Variants in CDH12 observed in about 807,000 individuals in gnomAD.
CDH12 encodes the protein cadherin 12.
A neutral mutation model predicts 74.1 loss-of-function variants in CDH12; 41 were observed. That is an observed-to-expected ratio of 0.55 (90% CI 0.43 to 0.72). CDH12 has a LOEUF of 0.72. CDH12 is among the 30% of genes least tolerant of loss of function. CDH12 has a pLI of 0.00. For synonymous variants in CDH12, 399 were observed against 355.0 expected (o/e 1.12, Z -1.39); for missense variants, 945 against 977.2 (o/e 0.97, Z 0.44).
At chr5:21,936,684 T>A (rs1178008456) in intron 6 of CDH12, among the ~76,000 whole-genome samples, 1 of 152,182 alleles carries the variant, frequency 6.6e-6, no homozygotes, top group Non-Finnish European at 1.5e-5. Flanking sequence ...TTTGGCTCTG[T>A]GACCCCACCC....
intron 3 of CDH12, among the ~76,000 whole-genome samples, chr5:22,348,363 T>C (rs1183958753): frequency 1.3e-5 from 2 of 152,214 alleles, no homozygotes; most frequent in African/African-American, 4.8e-5. Flanking sequence ...TCCATTTATT[T>C]TGAATGTCGG....
At chr5:22,125,433 C>T (rs955015674) in intron 4 of CDH12, among the ~76,000 whole-genome samples, 5 of 152,140 alleles carry the variant, frequency 3.3e-5, no homozygotes, top group African/African-American at 1.2e-4. Flanking sequence ...CTGCAAAAGA[C>T]ATTAATTCTT....
chr5:22,702,773 C>G (rs1268098907), intron 1 of CDH12, among the ~76,000 whole-genome samples: 1 of 152,060 alleles, frequency 6.6e-6, no homozygotes, highest in Non-Finnish European at 1.5e-5. Flanking sequence ...TACTGGGATA[C>G]TTTGAACAGT....
chr5:22,370,881 C>G (rs773688413), intron 3 of CDH12, among the ~76,000 whole-genome samples: 10 of 152,090 alleles, frequency 6.6e-5, no homozygotes, highest in Non-Finnish European at 1.3e-4. Flanking sequence ...AAATTCTAGG[C>G]GTAGATGCAA....
In CDH12 at chr5:21,760,647, C is replaced by T. The variant is rs765231841; in HGVS notation, c.1544G>A (p.Arg515Gln). The T allele has an allele frequency of 6.2e-6, 10 of 1,608,536 alleles. No homozygotes were observed. Among genetic ancestry groups the T allele is most frequent in the Admixed American group, 3.3e-5 (2 of 59,790 alleles). Residue 515 changes from arginine (R) to glutamine (Q), a missense_variant, in exon 13 of 15, where the codon CGA (arginine) becomes CAA (glutamine). Arg to Gln is a conservative substitution (Grantham distance 43). This residue lies in a region of CDH12 where 791 missense variants were observed against 792.8 expected (regional missense o/e 1.00). Coordinates refer to ENST00000382254, the MANE Select transcript of CDH12 (RefSeq NM_004061.5). ...TTGTTGCCCAGCAGGTGAAAGATCT[C>T]GGTCTGCAGCACTGACTATCTGAAT... ...QIIQIVSAADRDLSPAGQQFS... is the reference protein window; with the variant it reads ...QIIQIVSAADQDLSPAGQQFS...
intron 2 of CDH12, among the ~76,000 whole-genome samples, chr5:22,494,327 G>A (rs916130060): frequency 3.9e-5 from 6 of 152,212 alleles, no homozygotes; most frequent in African/African-American, 1.4e-4. Flanking sequence ...GTGAGTGGGT[G>A]TGGATGTGGG....
chr5:22,098,519 C>T (rs1036749713), intron 4 of CDH12, among the ~76,000 whole-genome samples: 4 of 152,162 alleles, frequency 2.6e-5, no homozygotes, highest in African/African-American at 9.7e-5. Flanking sequence ...CTTTTAGAGG[C>T]CCTAAAAATC....
At chr5:22,460,895 AT>A (rs1745483516) in intron 2 of CDH12, among the ~76,000 whole-genome samples, 1 of 149,840 alleles carries the variant, frequency 6.7e-6, no homozygotes, top group African/African-American at 2.5e-5. Context: ...TAGTATTTGT[AT>A]TTTTAGTAGA....
intron 8 of CDH12, among the ~76,000 whole-genome samples, chr5:21,824,838 T>C (rs959551986): frequency 5.9e-5 from 9 of 152,044 alleles, no homozygotes; most frequent in South Asian, 2.1e-4. Flanking sequence ...CTTCACACTC[T>C]ACAAAACATG....
chr5:22,081,960 C>T (rs1401423421), intron 4 of CDH12, among the ~76,000 whole-genome samples: 1 of 152,132 alleles, frequency 6.6e-6, no homozygotes, highest in Non-Finnish European at 1.5e-5. Flanking sequence ...GCAGTAGTCC[C>T]CATTTATATG....
At chr5:22,805,710 C>T (rs1376453632) in intron 1 of CDH12, among the ~76,000 whole-genome samples, 1 of 152,006 alleles carries the variant, frequency 6.6e-6, no homozygotes, top group Non-Finnish European at 1.5e-5. Context: ...GCAGAACGTG[C>T]AGGTTTGTTA....
chr5:21,779,628 G>C (rs946778443), intron 11 of CDH12: 1 of 152,094 alleles, frequency 6.6e-6, no homozygotes, highest in Admixed American at 6.5e-5. Context: ...TTCAATCATC[G>C]TGCCATTTCA....
At chr5:21,985,640 GTTTC>G (rs757014557) in intron 5 of CDH12, among the ~76,000 whole-genome samples, 5 of 152,104 alleles carry the variant, frequency 3.3e-5, no homozygotes, top group Non-Finnish European at 7.4e-5. Context: ...TTTTGCGTGA[GTTTC>G]TTTGTCTGAA....
At chr5:22,096,143 A>G (rs879733792) in intron 4 of CDH12, among the ~76,000 whole-genome samples, 1 of 151,450 alleles carries the variant, frequency 6.6e-6, no homozygotes, top group Non-Finnish European at 1.5e-5. Context: ...AGAACTTAAA[A>G]CCTCTTCAAC....
intron 1 of CDH12, among the ~76,000 whole-genome samples, chr5:22,516,739 G>A (rs1344792028): frequency 2.0e-5 from 3 of 152,120 alleles, no homozygotes; most frequent in Non-Finnish European, 4.4e-5. Context: ...AGGCTGCAGT[G>A]AGCCATGATG....
intron 4 of CDH12, among the ~76,000 whole-genome samples, chr5:22,179,190 A>C (rs1248648157): frequency 2.6e-5 from 4 of 152,168 alleles, no homozygotes; most frequent in African/African-American, 9.6e-5. Flanking sequence ...TCCAAACAAA[A>C]CAGAATTCAT....
At chr5:22,790,087 C>T (rs1375494306) in intron 1 of CDH12, among the ~76,000 whole-genome samples, 1 of 151,992 alleles carries the variant, frequency 6.6e-6, no homozygotes, top group Non-Finnish European at 1.5e-5. Flanking sequence ...TGATGTGGCT[C>T]ATGAGAAAAG....
intron 1 of CDH12, among the ~76,000 whole-genome samples, chr5:22,675,431 C>A (rs952473091): frequency 6.6e-6 from 1 of 152,168 alleles, no homozygotes; most frequent in African/African-American, 2.4e-5. Flanking sequence ...CCCAAGAAGA[C>A]ATTTGCTGCA....
chr5:22,532,712 A>G (rs1737648836), intron 1 of CDH12, among the ~76,000 whole-genome samples: 1 of 151,994 alleles, frequency 6.6e-6, no homozygotes, highest in Admixed American at 6.6e-5. Flanking sequence ...TTATATTAAC[A>G]TGGCATGGCG....
Sources: allele counts gnomAD v4.1 joint callset (sites outside exome capture counted in the v4.1 genomes callset), GRCh38; gene constraint gnomAD v4.1.1; regional missense constraint gnomAD v4.1.1; transcripts MANE v1.5; gene names NCBI Gene and HGNC (gene_info 2026-07-23, HGNC 2026-07-21).